The following SPOP variants were observed in gnomAD, a reference collection of about 807,000 sequenced individuals.
The protein encoded by SPOP is speckle type BTB/POZ protein.
A neutral mutation model predicts 45.6 loss-of-function variants in SPOP; 11 were observed. That is an observed-to-expected ratio of 0.24 (90% CI 0.15 to 0.40). SPOP has a LOEUF of 0.40. SPOP is among the 10% of genes least tolerant of loss of function. The pLI, the probability that SPOP is intolerant of heterozygous loss-of-function variation, is 1.00. For missense variants in SPOP, 152 were observed against 465.6 expected (o/e 0.33, Z 6.20); for synonymous variants, 166 against 166.3 (o/e 1.00, Z 0.01).
Position 49,599,461 on chromosome 17 carries a change from A to G in SPOP, c.*917T>C. 1 of 224,144 alleles carries G rather than the reference A, an allele frequency of 4.5e-6. No individual in the cohort carries two copies. The highest frequency in any genetic ancestry group is 2.2e-5 in the African/African-American group (1 of 44,838). 13.9% of individuals were successfully genotyped at this position (224,144 alleles called of 1,614,324 possible). A position where few individuals can be genotyped will look rare whatever the true frequency, so the allele number is the denominator to read the frequency against. On this transcript the variant is annotated 3_prime_UTR_variant, in exon 10 of 10. Transcript: ENST00000504102. ...TTTTATCACACAGCATTTTTAATTG[A>G]TAAAATTTCCTTCTCTCTTCTTTTG...
chr17:49,618,556 A>G (rs1338978042), intron 5 of SPOP: 4 of 456,820 alleles, frequency 8.8e-6, no homozygotes, highest in South Asian at 1.5e-5. Context: ...TCAACTCTTG[A>G]TAAGAATCTA....
chr17:49,642,558 T>A (rs2072678170), intron 1 of SPOP, among the ~76,000 whole-genome samples: 2 of 152,178 alleles, frequency 1.3e-5, no homozygotes, highest in African/African-American at 4.8e-5. Context: ...TTCTGTTACA[T>A]ATCCAGATGA....
Position 49,622,673 on chromosome 17 carries a change from C to G in SPOP, c.78+60G>C. On this transcript the variant is annotated intron_variant, in intron 2 of 9. Transcript: ENST00000504102. ...CCCAATGTAGAAAAGCAATCCTACT[C>G]CTTTCGTCCACCAAATCCTCCCCAG... 2.8e-6 allele frequency: 4 copies of G among 1,443,592 alleles called. No homozygotes were observed. The Admixed American group carries it at 5.0e-5, about 18-fold the overall frequency. 89.4% of individuals were successfully genotyped at this position (1,443,592 alleles called of 1,614,324 possible).
intron 5 of SPOP, among the ~76,000 whole-genome samples, chr17:49,617,316 CTG>C (rs2072109315): frequency 6.6e-6 from 1 of 152,218 alleles, no homozygotes; most frequent in African/African-American, 2.4e-5. Flanking sequence ...AAGATTCAAA[CTG>C]TGATCTGTTT....
intron 1 of SPOP, among the ~76,000 whole-genome samples, chr17:49,675,010 T>C (rs2073181428): frequency 6.6e-6 from 1 of 152,192 alleles, no homozygotes; most frequent in Admixed American, 6.6e-5. Flanking sequence ...TCAAAAATTT[T>C]GATAATAGTG....
intron 1 of SPOP, among the ~76,000 whole-genome samples, chr17:49,666,785 A>G (rs2073065270): frequency 6.6e-6 from 1 of 151,930 alleles, no homozygotes; most frequent in Non-Finnish European, 1.5e-5. Context: ...CCAAGATCGC[A>G]CCACTGCAAC....
At chr17:49,649,236 T>C (rs1234578375) in intron 1 of SPOP, among the ~76,000 whole-genome samples, 2 of 152,144 alleles carry the variant, frequency 1.3e-5, no homozygotes, top group African/African-American at 2.4e-5. Flanking sequence ...TTCTCTTTAA[T>C]TGATAGAAAG....
chr17:49,630,062 T>C (rs1467893864), intron 1 of SPOP, among the ~76,000 whole-genome samples: 1 of 152,202 alleles, frequency 6.6e-6, no homozygotes, highest in Non-Finnish European at 1.5e-5. Context: ...CTCTCTCTGC[T>C]TTCTTCTGGT....
At chr17:49,623,929 A>C (rs1326269414) in intron 1 of SPOP, among the ~76,000 whole-genome samples, 1 of 152,088 alleles carries the variant, frequency 6.6e-6, no homozygotes, top group Non-Finnish European at 1.5e-5. Context: ...AATTTCATCC[A>C]TCCCAACAAT....
chr17:49,624,863 G>A (rs1031685661), intron 1 of SPOP, among the ~76,000 whole-genome samples: 3 of 149,514 alleles, frequency 2.0e-5, no homozygotes, highest in Non-Finnish European at 3.0e-5. Context: ...AAAAAAGCTT[G>A]TAACACATGA....
At position 49,602,092 on chromosome 17, in the gene SPOP, T is replaced by C. The variant is rs903396493; in HGVS notation, c.838-85A>G. On this transcript the variant is annotated intron_variant, in intron 8 of 9. Transcript: ENST00000504102. ...GAAGCTGTTTTCTTTAGCTGTACCATCATATTAACTAGATACTTGAATAGA... is the reference window on the plus strand; with the variant it reads ...GAAGCTGTTTTCTTTAGCTGTACCACCATATTAACTAGATACTTGAATAGA... The C allele has an allele frequency of 3.4e-6, 5 of 1,471,888 alleles. No individual in the cohort carries two copies. The South Asian group carries it at 3.7e-5, about 11-fold the overall frequency. The allele number at this position is 1,471,888 out of a possible 1,614,324, so 91.2% of individuals were successfully genotyped here.
intron 1 of SPOP, among the ~76,000 whole-genome samples, chr17:49,635,404 T>TAACCC (rs1482416916): frequency 2.0e-5 from 3 of 152,162 alleles, no homozygotes; most frequent in Non-Finnish European, 2.9e-5. Context: ...AACACCTATT[T>TAACCC]AACCCAACAT....
chr17:49,665,999 C>G (rs1825804547), intron 1 of SPOP, among the ~76,000 whole-genome samples: 1 of 150,440 alleles, frequency 6.6e-6, no homozygotes, highest in Non-Finnish European at 1.5e-5. Flanking sequence ...AAAAAAATAC[C>G]AGTATGACAG....
intron 1 of SPOP, among the ~76,000 whole-genome samples, chr17:49,656,547 T>C (rs1338655324): frequency 6.6e-6 from 1 of 152,168 alleles, no homozygotes; most frequent in Non-Finnish European, 1.5e-5. Flanking sequence ...CATACAACCA[T>C]ATGCCTTTCT....
chr17:49,665,694 A>ACACACACC (rs1225412700), intron 1 of SPOP, among the ~76,000 whole-genome samples: 6 of 142,188 alleles, frequency 4.2e-5, no homozygotes, highest in Non-Finnish European at 9.2e-5. Flanking sequence ...ACACACACAC[A>ACACACACC]CCAATCTGGC....
chr17:49,623,875 T>C (rs1176771649), intron 1 of SPOP, among the ~76,000 whole-genome samples: 1 of 152,124 alleles, frequency 6.6e-6, no homozygotes, highest in African/African-American at 2.4e-5. Flanking sequence ...ACATTCTCTG[T>C]GTCAATTTTT....
intron 3 of SPOP, 57 bp downstream of exon 3, chr17:49,621,889 C>A: frequency 6.3e-7 from 1 of 1,589,650 alleles, no homozygotes; most frequent in East Asian, 2.3e-5. Flanking sequence ...TCCCATAAAA[C>A]CAAACAAAAC....
At chr17:49,670,200 G>A (rs1202967113) in intron 1 of SPOP, among the ~76,000 whole-genome samples, 1 of 152,208 alleles carries the variant, frequency 6.6e-6, no homozygotes, top group Non-Finnish European at 1.5e-5. Flanking sequence ...AAGAATGACA[G>A]CCCAAGCATT....
chr17:49,618,952 G>C (rs2143259054), intron 5 of SPOP, 29 bp downstream of exon 5: 1 of 1,601,352 alleles, frequency 6.2e-7, no homozygotes, highest in Non-Finnish European at 8.5e-7. Flanking sequence ...TCTGGGAACT[G>C]CTAGTCTCAG....
Sources: gnomAD v4.1 joint callset for allele counts (sites outside exome capture counted in the v4.1 genomes callset) on GRCh38, gnomAD v4.1.1 for gene constraint, MANE v1.5 for transcripts, NCBI Gene and HGNC (gene_info 2026-07-23, HGNC 2026-07-21) for gene names.